Variants in DMD observed in about 807,000 individuals in gnomAD.
DMD encodes mutant dystrophin.
A neutral mutation model predicts 330.1 loss-of-function variants in DMD; 63 were observed. That is an observed-to-expected ratio of 0.19 (90% CI 0.16 to 0.24). DMD has a LOEUF of 0.24. DMD is among the 10% of genes least tolerant of loss of function. The probability of loss-of-function intolerance (pLI) is 1.00; values close to 1 mark genes in which losing one functional copy is unlikely to be tolerated. For synonymous variants in DMD, 1,223 were observed against 959.8 expected (o/e 1.27, Z -5.07); for missense variants, 3,344 against 2,684.1 (o/e 1.25, Z -5.43).
chrX:32,514,610 G>T (rs369790883), intron 18 of DMD, among the ~76,000 whole-genome samples: 1 of 111,806 alleles, frequency 8.9e-6, no homozygotes, highest in Non-Finnish European at 1.9e-5. Context: ...GTGTGGTGGC[G>T]GGCGCCTGTA....
At chrX:32,600,600 A>ACACG (rs1556840657) in intron 12 of DMD, among the ~76,000 whole-genome samples, 10 of 80,823 alleles carry the variant, frequency 1.2e-4, no homozygotes, top group African/African-American at 4.1e-4. Flanking sequence ...ACGCACACGC[A>ACACG]CACACACACA....
chrX:32,359,750 C>T (rs1294896801), intron 37 of DMD, among the ~76,000 whole-genome samples: 5 of 110,639 alleles, frequency 4.5e-5, no homozygotes, highest in African/African-American at 1.3e-4. Flanking sequence ...AAACCATGTT[C>T]TATGAGCATA....
chrX:33,330,475 C>T (rs1266277215), intron 1 of DMD, among the ~76,000 whole-genome samples: 1 of 111,583 alleles, frequency 9.0e-6, no homozygotes, highest in Non-Finnish European at 1.9e-5. Context: ...TTTCAGGTAG[C>T]TTCTAATTAA....
intron 55 of DMD, among the ~76,000 whole-genome samples, chrX:31,604,757 G>C (rs1243874504): frequency 1.8e-5 from 2 of 111,905 alleles, no homozygotes; most frequent in Non-Finnish European, 3.8e-5. Context: ...CAGGGAAAAA[G>C]AGTGAGTTGA....
At chrX:32,412,848 T>C (rs1289436491) in intron 29 of DMD, among the ~76,000 whole-genome samples, 2 of 111,536 alleles carry the variant, frequency 1.8e-5, no homozygotes, top group Admixed American at 1.9e-4. Flanking sequence ...GTTTTTATAT[T>C]ATATATAGAA....
chrX:33,169,718 G>A (rs2049239015), intron 1 of DMD, among the ~76,000 whole-genome samples: 1 of 111,094 alleles, frequency 9.0e-6, no homozygotes, highest in Non-Finnish European at 1.9e-5. Context: ...CTTTAGGGGT[G>A]GAAGTGGTTT....
intron 1 of DMD, among the ~76,000 whole-genome samples, chrX:33,267,821 AATG>A (rs1049553201): frequency 2.7e-5 from 3 of 111,522 alleles, no homozygotes; most frequent in African/African-American, 9.8e-5. Flanking sequence ...CTATTCAATA[AATG>A]ATGCCAGGAT....
At position 32,977,006 on chromosome X, in the gene DMD, G is replaced by C. The variant is rs949837161; in HGVS notation, c.93+43133C>G. 6.3e-5 allele frequency among the ~76,000 whole-genome samples: 7 copies of C among 111,444 alleles called. 1 individual carries two copies. The highest frequency in any genetic ancestry group is 9.3e-3 in the Middle Eastern group (2 of 215). On this transcript the variant is annotated intron_variant, in intron 2 of 78. Transcript: ENST00000357033. ...GAAAAAAAGTTTTTAAAAGAAACAC[G>C]GTAGCCTGGCGTGGTGGCTCACACC...
At position 31,184,774 on chromosome X, in the gene DMD, C is replaced by T. The variant is rs201014819; in HGVS notation, c.9808-1870G>A. On this transcript the variant is annotated intron_variant, in intron 67 of 78. Transcript: ENST00000357033. ...TGTGGCACATATACACCATGGAATA[C>T]TATGCAGCCATAAAAAAGGATGAGT... Among the ~76,000 whole-genome samples, 48 of 90,467 alleles carry T rather than the reference C, an allele frequency of 5.3e-4. No individual in the cohort carries two copies. The East Asian group carries it at 0.011, about 20-fold the overall frequency. The allele number at this position is 90,467 out of a possible 115,157, so 78.6% of individuals were successfully genotyped here.
chrX:32,609,106 T>C (rs2056961895), intron 12 of DMD, among the ~76,000 whole-genome samples: 1 of 110,279 alleles, frequency 9.1e-6, no homozygotes, highest in South Asian at 3.8e-4. Flanking sequence ...TTTGAGCTTT[T>C]TGTTCATATC....
chrX:33,008,664 C>A (rs372162176), intron 2 of DMD, among the ~76,000 whole-genome samples: 114 of 108,484 alleles, frequency 1.1e-3, no homozygotes, highest in South Asian at 7.5e-3. Context: ...AACCTTTGAA[C>A]ACAATTATAT....
At chrX:32,710,642 C>T (rs935742544) in intron 7 of DMD, among the ~76,000 whole-genome samples, 1 of 110,635 alleles carries the variant, frequency 9.0e-6, no homozygotes, top group African/African-American at 3.3e-5. Context: ...TTTACAAAAA[C>T]GTATTTTCAA....
chrX:31,799,960 C>T (rs2091986747), intron 50 of DMD, among the ~76,000 whole-genome samples: 1 of 113,041 alleles, frequency 8.8e-6, no homozygotes, highest in Non-Finnish European at 1.9e-5. Flanking sequence ...CATGCTGATG[C>T]AAGAGGTGGG....
chrX:31,781,608 C>G (rs2091012462), intron 50 of DMD, among the ~76,000 whole-genome samples: 1 of 110,767 alleles, frequency 9.0e-6, no homozygotes, highest in Non-Finnish European at 1.9e-5. Context: ...TTGCCTTTTC[C>G]TGTTTTAGTT....
intron 30 of DMD, among the ~76,000 whole-genome samples, chrX:32,405,877 C>T (rs1009854156): frequency 9.0e-6 from 1 of 111,659 alleles, no homozygotes; most frequent in African/African-American, 3.2e-5. Context: ...ACACTTCCTA[C>T]CCATGAGCAT....
chrX:31,847,258 T>C (rs777751956), intron 48 of DMD, among the ~76,000 whole-genome samples: 7 of 111,911 alleles, frequency 6.3e-5, no homozygotes, highest in Non-Finnish European at 1.1e-4. Context: ...CTCAGTTCTA[T>C]AGAAACAGAG....
intron 1 of DMD, among the ~76,000 whole-genome samples, chrX:33,232,525 A>G (rs1238927512): frequency 9.0e-6 from 1 of 111,450 alleles, no homozygotes; most frequent in Non-Finnish European, 1.9e-5. Flanking sequence ...TAACATCAGA[A>G]CCATCCTCTA....
intron 51 of DMD, among the ~76,000 whole-genome samples, chrX:31,749,389 C>T (rs1440504101): frequency 2.6e-4 from 26 of 99,193 alleles, no homozygotes; most frequent in African/African-American, 9.5e-4. Context: ...TGAGAATATG[C>T]GGTGTTTGGT....
chrX:31,725,552 C>A lies in DMD; in HGVS notation c.7660+4079G>T, dbSNP rs183596203. On this transcript the variant is annotated intron_variant, in intron 52 of 78. Coordinates refer to ENST00000357033, the MANE Select transcript of DMD (RefSeq NM_004006.3). ...TCTAAGGGCTCTACATTAATTATTT[C>A]ATCTAATCCTCCCAACCCATGAGAT... Among the ~76,000 whole-genome samples the A allele has an allele frequency of 1.0e-3, 114 of 112,120 alleles. 1 individual carries two copies. Among genetic ancestry groups the A allele is most frequent in the Non-Finnish European group, 1.8e-3 (97 of 53,206 alleles).
Sources: gnomAD v4.1 joint callset for allele counts (sites outside exome capture counted in the v4.1 genomes callset) on GRCh38, gnomAD v4.1.1 for gene constraint, MANE v1.5 for transcripts, NCBI Gene and HGNC (gene_info 2026-07-23, HGNC 2026-07-21) for gene names.